Variants in GLG1 observed in about 807,000 individuals in gnomAD.
GLG1 encodes the protein golgi glycoprotein 1, also known as Golgi apparatus protein 1.
In GLG1, 38 loss-of-function variants were observed where a neutral mutation model predicts 160.5. That is an observed-to-expected ratio of 0.24 (90% CI 0.18 to 0.31). The LOEUF is 0.31. GLG1 is among the 10% of genes least tolerant of loss of function. The pLI, the probability that GLG1 is intolerant of heterozygous loss-of-function variation, is 1.00. For missense variants in GLG1, 1,373 were observed against 1,505.2 expected (o/e 0.91, Z 1.45); for synonymous variants, 644 against 543.4 (o/e 1.19, Z -2.57).
chr16:74,524,693 A>G (rs759978701), intron 2 of GLG1, among the ~76,000 whole-genome samples: 9 of 152,210 alleles, frequency 5.9e-5, no homozygotes, highest in Non-Finnish European at 1.2e-4. Flanking sequence ...TAATATTTGA[A>G]GCTGTATGGT....
chr16:74,528,211 G>A (rs991857222), intron 2 of GLG1, among the ~76,000 whole-genome samples: 10 of 151,886 alleles, frequency 6.6e-5, no homozygotes, highest in African/African-American at 2.2e-4. Context: ...ATGTTGGCCA[G>A]GCTGGTCTTC....
intron 1 of GLG1, among the ~76,000 whole-genome samples, chr16:74,544,749 C>G (rs2017998389): frequency 6.6e-6 from 1 of 152,198 alleles, no homozygotes; most frequent in African/African-American, 2.4e-5. Context: ...ACCCTCCCAC[C>G]TCGGCCTCCC....
intron 3 of GLG1, among the ~76,000 whole-genome samples, chr16:74,504,378 C>T (rs981901830): frequency 7.2e-5 from 11 of 152,094 alleles, no homozygotes; most frequent in Non-Finnish European, 1.3e-4. Flanking sequence ...ACCCCTGGCA[C>T]CCAGGTTCAA....
chr16:74,559,436 C>T (rs1438548760), intron 1 of GLG1, among the ~76,000 whole-genome samples: 1 of 151,188 alleles, frequency 6.6e-6, no homozygotes, highest in Non-Finnish European at 1.5e-5. Flanking sequence ...AGAGGGAGAT[C>T]CTGTCTCTAG....
intron 13 of GLG1, chr16:74,472,673 A>T: frequency 1.3e-6 from 1 of 758,878 alleles, no homozygotes; most frequent in Admixed American, 2.2e-5. Context: ...AAAGTGAGGT[A>T]AAAACACATG....
intron 2 of GLG1, among the ~76,000 whole-genome samples, chr16:74,521,466 T>C (rs995657521): frequency 4.6e-5 from 7 of 152,016 alleles, no homozygotes; most frequent in African/African-American, 1.7e-4. Flanking sequence ...ATTCAGGATA[T>C]ATTTCAAGGA....
intron 18 of GLG1, among the ~76,000 whole-genome samples, chr16:74,466,868 G>A (rs2015018189): frequency 6.6e-6 from 1 of 152,166 alleles, no homozygotes; most frequent in Admixed American, 6.5e-5. Context: ...CAAAGAAAAA[G>A]TTAAAGAGAC....
At chr16:74,489,760 C>T (rs1047873738) in intron 8 of GLG1, among the ~76,000 whole-genome samples, 8 of 152,316 alleles carry the variant, frequency 5.3e-5, no homozygotes, top group African/African-American at 1.7e-4. Flanking sequence ...TGCATAGACA[C>T]GCATGCGTGC....
At chr16:74,463,120 T>C in intron 20 of GLG1, 1 of 532,696 alleles carries the variant, frequency 1.9e-6, no homozygotes, top group Non-Finnish European at 3.3e-6. Flanking sequence ...CCGGCCTGAT[T>C]CCTTCTGAAC....
intron 2 of GLG1, among the ~76,000 whole-genome samples, chr16:74,518,670 T>C (rs1012806312): frequency 1.3e-5 from 2 of 152,108 alleles, no homozygotes; most frequent in Non-Finnish European, 2.9e-5. Context: ...CCAAAAGCAA[T>C]GGCAACAAAA....
rs559861925 is a variant in GLG1 at position 74,469,313 on chromosome 16, T to C, written c.2319-250A>G. On this transcript the variant is annotated intron_variant, in intron 16 of 25. Transcript: ENST00000422840. The stretch of plus-strand genomic sequence containing the variant: ...AGAAGGGGAAGCCACACAGGGCACA[T>C]GTGTGCAACGACAGTTCAACATCTG... 4.4e-5 allele frequency: 24 copies of C among 545,658 alleles called. No individual in the cohort carries two copies. The South Asian group carries it at 4.5e-4, about 10-fold the overall frequency. 33.8% of individuals were successfully genotyped at this position (545,658 alleles called of 1,614,324 possible).
intron 1 of GLG1, chr16:74,552,543 C>G: frequency 3.1e-6 from 1 of 325,662 alleles, no homozygotes; most frequent in Admixed American, 3.5e-5. Flanking sequence ...ATACCACAGT[C>G]ATCCAGAGAC....
At chr16:74,585,800 T>C (rs1354500756) in intron 1 of GLG1, among the ~76,000 whole-genome samples, 1 of 151,754 alleles carries the variant, frequency 6.6e-6, no homozygotes, top group Non-Finnish European at 1.5e-5. Context: ...AGGTGGCTCA[T>C]GCCTGTAATC....
chr16:74,474,436 A>G, intron 13 of GLG1, 110 bp downstream of exon 13: 1 of 702,904 alleles, frequency 1.4e-6, no homozygotes, highest in South Asian at 1.6e-5. Context: ...GTTTCTTTTG[A>G]TTGACAGAAA....
At chr16:74,595,950 C>T (rs77334724) in intron 1 of GLG1, among the ~76,000 whole-genome samples, 1 of 151,720 alleles carries the variant, frequency 6.6e-6, no homozygotes, top group East Asian at 1.9e-4. Flanking sequence ...ATGGCGAAAC[C>T]CCATCTCTAT....
chr16:74,598,408 C>G (rs1306018515), intron 1 of GLG1, among the ~76,000 whole-genome samples: 1 of 151,550 alleles, frequency 6.6e-6, no homozygotes, highest in African/African-American at 2.4e-5. Context: ...GTAGTCCCAG[C>G]TACTCGGGAG....
intron 17 of GLG1, chr16:74,468,051 C>T: frequency 2.0e-6 from 1 of 506,252 alleles, no homozygotes; most frequent in Non-Finnish European, 3.5e-6. Context: ...TTGCAAAACA[C>T]AATGCCAAGT....
intron 1 of GLG1, among the ~76,000 whole-genome samples, chr16:74,587,224 G>A (rs1289848581): frequency 6.6e-6 from 1 of 152,122 alleles, no homozygotes; most frequent in African/African-American, 2.4e-5. Flanking sequence ...AACAAACCAG[G>A]TGAGCCGATG....
At chr16:74,483,248 T>C in intron 9 of GLG1, 124 bp from the exon 10 acceptor site, 1 of 639,360 alleles carries the variant, frequency 1.6e-6, no homozygotes, top group Non-Finnish European at 2.8e-6. Flanking sequence ...CAGATTTATT[T>C]TTCTAAGAAT....
Sources: allele counts gnomAD v4.1 joint callset (sites outside exome capture counted in the v4.1 genomes callset), GRCh38; gene constraint gnomAD v4.1.1; transcripts MANE v1.5; gene names NCBI Gene and HGNC (gene_info 2026-07-23, HGNC 2026-07-21).